The following BGLAP variants were observed in gnomAD, a reference collection of about 807,000 sequenced individuals.
BGLAP encodes osteocalcin.
A neutral mutation model predicts 13.7 loss-of-function variants in BGLAP; 15 were observed. The observed-to-expected ratio is 1.09, with a 90% confidence interval of 0.73 to 1.68. The LOEUF is 1.68. Ranked by LOEUF, BGLAP falls within the 40% of genes most tolerant of loss-of-function variation. BGLAP has a pLI of 0.00. For synonymous variants in BGLAP, 67 were observed against 56.2 expected (o/e 1.19, Z -0.86); for missense variants, 120 against 134.3 (o/e 0.89, Z 0.53).
chr1:156,242,684 C>T (rs1370442734), intron 2 of BGLAP, 78 bp from the exon 3 acceptor site: 4 of 1,609,008 alleles, frequency 2.5e-6, no homozygotes, highest in South Asian at 2.2e-5. Flanking sequence ...CCTGTCTGGC[C>T]ATCAGGAAGG....
chr1:156,242,908 CCT>C (rs1659541817), intron 3 of BGLAP, 77 bp downstream of exon 3: 1 of 1,572,534 alleles, frequency 6.4e-7, no homozygotes, highest in South Asian at 1.2e-5. Flanking sequence ...CAGGGAGTGG[CCT>C]CTCTGGGTTG....
At chr1:156,242,402 C>A in intron 1 of BGLAP, 107 bp downstream of exon 1, 1 of 1,543,866 alleles carries the variant, frequency 6.5e-7, no homozygotes, top group South Asian at 1.2e-5. Context: ...CCTTTGCAGT[C>A]TAACCACCTT....
Position 156,242,239 on chromosome 1 carries a change from C to A in BGLAP, c.8C>A (p.Ala3Asp). The change falls in exon 1 of 4, where the codon GCC becomes GAC. Residue 3 changes from alanine (A) to aspartate (D), a missense_variant. Physicochemically the swap from Ala to Asp is moderately radical, Grantham distance 126 (BLOSUM62 -2). Transcript: ENST00000368272. The stretch of plus-strand genomic sequence containing the variant: ...CGCAGCCACCGAGACACCATGAGAG[C>A]CCTCACACTCCTCGCCCTATTGGCC... MR[A>D]LTLLALLALA... 1 of 1,613,394 alleles carries A rather than the reference C, an allele frequency of 6.2e-7. No homozygotes were observed. The highest frequency in any genetic ancestry group is 8.5e-7 in the Non-Finnish European group (1 of 1,179,942).
At position 156,242,785 on chromosome 1, in the gene BGLAP, A is replaced by AGCGAG. The variant is rs745660191; in HGVS notation, c.129_133dup (p.Val45AlafsTer3). 19 of 1,600,460 alleles carry AGCGAG rather than the reference A, an allele frequency of 1.2e-5. No individual in the cohort carries two copies. Among genetic ancestry groups the AGCGAG allele is most frequent in the Non-Finnish European group, 1.6e-5 (19 of 1,172,204 alleles). On this transcript the variant is annotated frameshift_variant, in exon 3 of 4. Coordinates refer to ENST00000368272, the MANE Select transcript of BGLAP (RefSeq NM_199173.6). LOFTEE classifies it high-confidence loss of function. ...AGCCTTTGTGTCCAAGCAGGAGGGC[A>AGCGAG]GCGAGGTAGTGAAGAGACCCAGGCG... is the stretch of plus-strand genomic sequence containing the variant.
intron 2 of BGLAP, 42 bp downstream of exon 2, chr1:156,242,633 C>T (rs1432535427): frequency 1.6e-5 from 26 of 1,586,532 alleles, no homozygotes; most frequent in Non-Finnish European, 2.1e-5. Context: ...CCTCCCCTCT[C>T]ACCCTGGTCC....
At position 156,242,283 on chromosome 1, in the gene BGLAP, G is replaced by T; in HGVS notation, c.52G>T (p.Ala18Ser). ...ATTGGCCCTGGCCGCACTTTGCATC[G>T]CTGGCCAGGCAGGTGAGTGCCCCCA... is the stretch of plus-strand genomic sequence containing the variant. Reference protein sequence around the residue: ...ALLALAALCIAGQAGAKPSGA... With the variant: ...ALLALAALCISGQAGAKPSGA... The change falls in exon 1 of 4, where the codon GCT becomes TCT. Residue 18 changes from alanine (A) to serine (S), a missense_variant. By Grantham distance (99) the Ala-to-Ser change is moderately conservative. Coordinates refer to ENST00000368272, the MANE Select transcript of BGLAP (RefSeq NM_199173.6). The T allele has an allele frequency of 6.2e-7, 1 of 1,613,088 alleles. No homozygotes were observed. The highest frequency in any genetic ancestry group is 8.5e-7 in the Non-Finnish European group (1 of 1,179,834).
Position 156,243,087 on chromosome 1 carries a change from C to T in BGLAP, c.228C>T (p.Leu76=). ...AGCCCAGGAGGGAGGTGTGTGAGCT[C>T]AATCCGGACTGTGACGAGTTGGCTG... is the stretch of plus-strand genomic sequence containing the variant. ...PLEPRREVCE[L]NPDCDELADH... Residue 76 remains leucine (L), a synonymous_variant, in exon 4 of 4, where the codon CTC becomes CTT. Transcript: ENST00000368272. 2 of 1,614,106 alleles carry T rather than the reference C, an allele frequency of 1.2e-6. No individual in the cohort carries two copies. The highest frequency in any genetic ancestry group is 4.5e-5 in the East Asian group (2 of 44,874).
In BGLAP at chr1:156,242,204, A is replaced by G; in HGVS notation, c.-28A>G. ...GGGGCAGGCCAGCTGAGTCCTGAGC[A>G]GCAGCCCAGCGCAGCCACCGAGACA... On this transcript the variant is annotated 5_prime_UTR_variant, in exon 1 of 4. Transcript: ENST00000368272. 6.2e-7 allele frequency: 1 copy of G among 1,606,576 alleles called. No homozygotes were observed. The highest frequency in any genetic ancestry group is 8.5e-7 in the Non-Finnish European group (1 of 1,178,206).
intron 1 of BGLAP, 127 bp downstream of exon 1, chr1:156,242,422 T>C: frequency 6.5e-7 from 1 of 1,543,022 alleles, no homozygotes; most frequent in Non-Finnish European, 8.8e-7. Context: ...TGTTGCAGGC[T>C]CAATCCATTT....
In BGLAP at chr1:156,243,242, TGCCCTG is replaced by T; in HGVS notation, c.*81_*86del. 1 of 1,588,450 alleles carries T rather than the reference TGCCCTG, an allele frequency of 6.3e-7. No homozygotes were observed. The highest frequency in any genetic ancestry group is 1.3e-5 in the African/African-American group (1 of 74,688). ...CCTTCTTTCCTCTTCCCCTTGCCCT[TGCCCTG>T]ACCTCCCAGCCCTATGGATGTGGGG... On this transcript the variant is annotated 3_prime_UTR_variant, in exon 4 of 4. Transcript: ENST00000368272.
chr1:156,242,334 G>T, intron 1 of BGLAP, 39 bp downstream of exon 1: 1 of 1,604,822 alleles, frequency 6.2e-7, no homozygotes. Context: ...CATTGCAGTG[G>T]GGGCTGAGAG....
chr1:156,243,069 G>C lies in BGLAP; in HGVS notation c.210G>C (p.Arg70Ser), dbSNP rs1205423362. ...PVPYPDPLEPRREVCELNPDC... is the reference protein window; with the variant it reads ...PVPYPDPLEPSREVCELNPDC... ...CCTACCCGGATCCCCTGGAGCCCAG[G>C]AGGGAGGTGTGTGAGCTCAATCCGG... The change falls in exon 4 of 4, where the codon AGG becomes AGC. Residue 70 changes from arginine (R) to serine (S), a missense_variant. Transcript: ENST00000368272. 14 of 1,614,196 alleles carry C rather than the reference G, an allele frequency of 8.7e-6. No individual in the cohort carries two copies. The highest frequency in any genetic ancestry group is 1.1e-5 in the Non-Finnish European group (13 of 1,180,014).
At chr1:156,242,907 GC>G in intron 3 of BGLAP, 76 bp downstream of exon 3, 1 of 1,572,478 alleles carries the variant, frequency 6.4e-7, no homozygotes. Context: ...GCAGGGAGTG[GC>G]CTCTCTGGGT....
Position 156,243,199 on chromosome 1 carries a change from C to G in BGLAP, c.*37C>G. The G allele has an allele frequency of 6.2e-7, 1 of 1,610,432 alleles. No homozygotes were observed. The highest frequency in any genetic ancestry group is 8.5e-7 in the Non-Finnish European group (1 of 1,179,578). ...GCTGGCCTGGCCGGCAACCCCAGTT[C>G]TGCTCCTCTCCAGGCACCCTTCTTT... On this transcript the variant is annotated 3_prime_UTR_variant, in exon 4 of 4. Coordinates refer to ENST00000368272, the MANE Select transcript of BGLAP (RefSeq NM_199173.6).
At position 156,242,844 on chromosome 1, in the gene BGLAP, G is replaced by A. The variant is rs769461730; in HGVS notation, c.173+13G>A. ...ATCAATGGCTGGGGTGAGAGAAAAG[G>A]CAGAGCTGGGCCAAGGCCCTGCCTC... On this transcript the variant is annotated intron_variant, in intron 3 of 3. Coordinates refer to ENST00000368272, the MANE Select transcript of BGLAP (RefSeq NM_199173.6). The A allele has an allele frequency of 3.2e-6, 5 of 1,584,364 alleles. No homozygotes were observed. The East Asian group carries it at 1.1e-4, about 36-fold the overall frequency.
intron 3 of BGLAP, 30 bp downstream of exon 3, chr1:156,242,861 C>G (rs572936196): frequency 6.4e-7 from 1 of 1,574,514 alleles, no homozygotes; most frequent in South Asian, 1.2e-5. Flanking sequence ...TGGGCCAAGG[C>G]CCTGCCTCTC....
Position 156,242,296 on chromosome 1 carries a change from G to A in BGLAP, c.64+1G>A. The A allele has an allele frequency of 6.2e-7, 1 of 1,612,686 alleles. No individual in the cohort carries two copies. Among genetic ancestry groups the A allele is most frequent in the East Asian group, 2.2e-5 (1 of 44,774 alleles). The stretch of plus-strand genomic sequence containing the variant: ...GCACTTTGCATCGCTGGCCAGGCAG[G>A]TGAGTGCCCCCACCTCCCCTCAGGC... On this transcript the variant is annotated splice_donor_variant, in intron 1 of 3. Transcript: ENST00000368272. LOFTEE classifies it high-confidence loss of function.
rs201532177 is a variant in BGLAP at position 156,242,792 on chromosome 1, T to C, written c.134T>C (p.Val45Ala). ...AFVSKQEGSE[V>A]VKRPRRYLYQ... Reference sequence around the variant, plus strand: ...GTGTCCAAGCAGGAGGGCAGCGAGGTAGTGAAGAGACCCAGGCGCTACCTG... The same window carrying C: ...GTGTCCAAGCAGGAGGGCAGCGAGGCAGTGAAGAGACCCAGGCGCTACCTG... The change falls in exon 3 of 4, where the codon GTA becomes GCA. Residue 45 changes from valine (V) to alanine (A), a missense_variant. Coordinates refer to ENST00000368272, the MANE Select transcript of BGLAP (RefSeq NM_199173.6). 2 of 1,601,408 alleles carry C rather than the reference T, an allele frequency of 1.2e-6. No homozygotes were observed. Among genetic ancestry groups the C allele is most frequent in the Non-Finnish European group, 1.7e-6 (2 of 1,172,868 alleles).
At chr1:156,242,718 T>A in intron 2 of BGLAP, 44 bp from the exon 3 acceptor site, 1 of 1,597,390 alleles carries the variant, frequency 6.3e-7, no homozygotes, top group South Asian at 1.1e-5. Context: ...CACCTGATCC[T>A]CCCAAACCCA....
Sources: allele counts gnomAD v4.1 joint callset, GRCh38; gene constraint gnomAD v4.1.1; transcripts MANE v1.5; gene names NCBI Gene and HGNC (gene_info 2026-07-23, HGNC 2026-07-21).